Variants in TEX52 observed in about 807,000 individuals in gnomAD.
TEX52 encodes the protein testis expressed 52, also known as testis-expressed protein 52.
In TEX52, 22 loss-of-function variants were observed where a neutral mutation model predicts 17.6. That is an observed-to-expected ratio of 1.25 (90% CI 0.89 to 1.78). The LOEUF (loss-of-function observed/expected upper bound fraction) is 1.78, where lower values mean the gene tolerates loss of function less well. Ranked by LOEUF, TEX52 falls within the 40% of genes most tolerant of loss-of-function variation. The pLI is 0.00. For synonymous variants in TEX52, 168 were observed against 147.4 expected (o/e 1.14, Z -1.01); for missense variants, 396 against 372.3 (o/e 1.06, Z -0.52).
downstream of TEX52, among the ~76,000 whole-genome samples, chr12:2,848,104 A>G (rs2098058383): frequency 6.6e-6 from 1 of 152,210 alleles, no homozygotes; most frequent in Non-Finnish European, 1.5e-5. Context: ...GACTTTTCCA[A>G]AGGTCACATT....
At chr12:2,853,010 A>AAAC (rs138119084) in intron 2 of TEX52, among the ~76,000 whole-genome samples, 25,215 of 151,398 alleles carry the variant, frequency 0.17, 2,264 homozygotes, top group South Asian at 0.29. Flanking sequence ...AAAAAAAAAG[A>AAAC]AACAACAAAA....
intron 2 of TEX52, 66 bp from the exon 3 acceptor site, chr12:2,849,591 C>T (rs1184433015): frequency 6.6e-6 from 10 of 1,513,124 alleles, no homozygotes; most frequent in African/African-American, 1.4e-5. Context: ...AGTGGAGAGA[C>T]GGGGAAGGGG....
intron 2 of TEX52, among the ~76,000 whole-genome samples, chr12:2,850,891 C>T (rs2098068266): frequency 1.3e-5 from 2 of 151,358 alleles, no homozygotes; most frequent in South Asian, 2.1e-4. Context: ...AGGCTGGTCT[C>T]GAACTCTTGA....
At position 2,854,932 on chromosome 12, in the gene TEX52, G is replaced by A. The variant is rs1338850811; in HGVS notation, c.587C>T (p.Ala196Val). Residue 196 changes from alanine to valine, a missense_variant, in exon 2 of 3, where the codon GCC (alanine) becomes GTC (valine). Physicochemically the swap from Ala to Val is moderately conservative, Grantham distance 64. Coordinates refer to ENST00000637658, the MANE Select transcript of TEX52 (RefSeq NM_001365174.2). ...CGCTGGCGGCTGGATGTTGCCCTGG[G>A]CATCGAGTGGGGGTGCTCTTGCCTC... ...RSEARAPPLD[A>V]QGNIQPPASF... 3.9e-6 allele frequency: 6 copies of A among 1,536,044 alleles called. No individual in the cohort carries two copies. The highest frequency in any genetic ancestry group is 5.2e-6 in the Non-Finnish European group (6 of 1,146,816).
intron 1 of TEX52, 38 bp from the exon 2 acceptor site, chr12:2,855,484 C>T (rs1378374916): frequency 1.5e-6 from 2 of 1,378,502 alleles, no homozygotes; most frequent in Non-Finnish European, 1.9e-6. Flanking sequence ...GAAGGTTGTG[C>T]AGACAGGGGT....
chr12:2,856,710 G>A (rs2098088475), intron 1 of TEX52, among the ~76,000 whole-genome samples: 1 of 152,202 alleles, frequency 6.6e-6, no homozygotes, highest in Non-Finnish European at 1.5e-5. Flanking sequence ...TTGAGCTTGG[G>A]CCCCTAAGTC....
Position 2,855,245 on chromosome 12 carries a change from T to C in TEX52, c.274A>G (p.Thr92Ala). ...IHPWKGGAQH[T>A]WGFHTWLDVC... is the part of the protein sequence containing the mutation. ...TCGAGCCACGTGTGAAAGCCCCAGG[T>C]GTGCTGGGCGCCACCCTTCCAAGGG... Residue 92 changes from threonine (T) to alanine (A), a missense_variant, in exon 2 of 3, where the codon ACC (threonine) becomes GCC (alanine). Thr to Ala is a moderately conservative substitution (Grantham distance 58). Transcript: ENST00000637658. 2.0e-6 allele frequency: 3 copies of C among 1,508,142 alleles called. No homozygotes were observed. Among genetic ancestry groups the C allele is most frequent in the Non-Finnish European group, 2.7e-6 (3 of 1,128,612 alleles). 93.4% of individuals were successfully genotyped at this position (1,508,142 alleles called of 1,614,324 possible).
Position 2,849,188 on chromosome 12 carries a change from C to T in TEX52, c.*43G>A, listed in dbSNP as rs923073672. Reference sequence around the variant, plus strand: ...GGAGCATTGATTGAGAACACTGGAGCCTGGGGCTCTGGGTATCACGATCGT... The same window carrying T: ...GGAGCATTGATTGAGAACACTGGAGTCTGGGGCTCTGGGTATCACGATCGT... On this transcript the variant is annotated 3_prime_UTR_variant, in exon 3 of 3. Transcript: ENST00000637658. The T allele has an allele frequency of 3.7e-5, 56 of 1,498,814 alleles. No homozygotes were observed. Among genetic ancestry groups the T allele is most frequent in the Non-Finnish European group, 4.6e-5 (52 of 1,130,222 alleles). The allele number at this position is 1,498,814 out of a possible 1,614,324, so 92.8% of individuals were successfully genotyped here.
chr12:2,850,681 T>G (rs554143626), intron 2 of TEX52, among the ~76,000 whole-genome samples: 27 of 150,158 alleles, frequency 1.8e-4, no homozygotes, highest in African/African-American at 6.2e-4. Flanking sequence ...TTGTTTTGTT[T>G]TGTTTTGTTG....
chr12:2,848,053 C>G (rs957845712), downstream of TEX52, among the ~76,000 whole-genome samples: 1 of 152,158 alleles, frequency 6.6e-6, no homozygotes, highest in African/African-American at 2.4e-5. Context: ...CTAATGGTCC[C>G]CATTGTGCAG....
chr12:2,856,227 C>G (rs771163380), intron 1 of TEX52, among the ~76,000 whole-genome samples: 1 of 152,188 alleles, frequency 6.6e-6, no homozygotes, highest in Non-Finnish European at 1.5e-5. Context: ...TGAGTGACAG[C>G]TGGGACTTAA....
chr12:2,848,877 G>A (rs12826001), downstream of TEX52, among the ~76,000 whole-genome samples: 69 of 140,362 alleles, frequency 4.9e-4, no homozygotes, highest in African/African-American at 1.2e-3. Context: ...ACACACACAC[G>A]CACACACACA....
At chr12:2,855,502 G>A (rs2098084505) in intron 1 of TEX52, 56 bp from the exon 2 acceptor site, 2 of 1,317,914 alleles carry the variant, frequency 1.5e-6, no homozygotes, top group Admixed American at 5.9e-5. Context: ...GGTGCAGAAA[G>A]GTGGGTGAGG....
intron 2 of TEX52, among the ~76,000 whole-genome samples, chr12:2,854,178 A>C (rs1425912882): frequency 1.3e-5 from 2 of 151,968 alleles, no homozygotes; most frequent in Non-Finnish European, 1.5e-5. Flanking sequence ...GGCACCCATC[A>C]CCACACCCGG....
Position 2,855,009 on chromosome 12 carries a change from A to G in TEX52, c.510T>C (p.Ile170=). The G allele has an allele frequency of 6.5e-7, 1 of 1,536,212 alleles. No homozygotes were observed. Among genetic ancestry groups the G allele is most frequent in the Non-Finnish European group, 8.7e-7 (1 of 1,146,926 alleles). The change falls in exon 2 of 3, where the codon ATT becomes ATC. Residue 170 remains isoleucine (I), a synonymous_variant. Coordinates refer to ENST00000637658, the MANE Select transcript of TEX52 (RefSeq NM_001365174.2). The part of the protein sequence containing the change: ...FVDMKRKKQV[I]FRTVKELKEV... ...CCTTCAACTCCTTCACTGTCCTGAAAATCACCTGCTTCTTCCTTTTCATGT... is the reference window on the plus strand; with the variant it reads ...CCTTCAACTCCTTCACTGTCCTGAAGATCACCTGCTTCTTCCTTTTCATGT...
chr12:2,854,745 G>A (rs1222651984), intron 2 of TEX52, 151 bp downstream of exon 2: 15 of 804,036 alleles, frequency 1.9e-5, no homozygotes, highest in East Asian at 5.4e-5. Flanking sequence ...TCTCCACCTC[G>A]TCCTTCCAGC....
intron 2 of TEX52, 43 bp from the exon 3 acceptor site, chr12:2,849,568 G>T (rs1411384851): frequency 6.5e-7 from 1 of 1,533,390 alleles, no homozygotes; most frequent in South Asian, 1.2e-5. Context: ...GATCAAAGAA[G>T]AGATCCAGGG....
intron 1 of TEX52, among the ~76,000 whole-genome samples, 169 bp from the exon 2 acceptor site, chr12:2,855,615 G>A (rs1177315789): frequency 1.3e-5 from 2 of 152,262 alleles, no homozygotes; most frequent in Middle Eastern, 3.4e-3. Flanking sequence ...CCTTCCCGGC[G>A]GAAGTTATGG....
intron 2 of TEX52, among the ~76,000 whole-genome samples, chr12:2,851,739 C>T (rs1332233938): frequency 3.3e-5 from 5 of 152,068 alleles, no homozygotes; most frequent in African/African-American, 9.7e-5. Flanking sequence ...AATGCAGTGG[C>T]GTGATCTCAG....
Sources: allele counts gnomAD v4.1 joint callset (sites outside exome capture counted in the v4.1 genomes callset), GRCh38; gene constraint gnomAD v4.1.1; transcripts MANE v1.5; gene names NCBI Gene and HGNC (gene_info 2026-07-23, HGNC 2026-07-21).